The following TPST1 variants were observed in gnomAD, a reference collection of about 807,000 sequenced individuals.
The protein encoded by TPST1 is protein-tyrosine sulfotransferase 1.
In TPST1, 20 loss-of-function variants were observed where a neutral mutation model predicts 34.8. That is an observed-to-expected ratio of 0.57 (90% CI 0.40 to 0.84). The LOEUF (loss-of-function observed/expected upper bound fraction) is 0.84, where lower values mean the gene tolerates loss of function less well. Among genes scored for constraint, TPST1 ranks in the 40% least tolerant of loss-of-function variants. TPST1 has a pLI of 0.00. For missense variants in TPST1, 353 were observed against 455.5 expected (o/e 0.78, Z 2.05); for synonymous variants, 152 against 159.4 (o/e 0.95, Z 0.35).
At chr7:66,254,002 CAAAAAAAA>C (rs60795420) in intron 2 of TPST1, among the ~76,000 whole-genome samples, 2 of 113,578 alleles carry the variant, frequency 1.8e-5, no homozygotes, top group African/African-American at 3.2e-5. Flanking sequence ...GACTCTGTTT[CAAAAAAAA>C]AAAAAAAAAA....
intron 3 of TPST1, among the ~76,000 whole-genome samples, chr7:66,347,061 T>TTTC (rs1792369004): frequency 1.7e-5 from 1 of 59,966 alleles, no homozygotes; most frequent in African/African-American, 6.4e-5. Flanking sequence ...TTGCTTTTCT[T>TTTC]TTTTTTTTTT....
chr7:66,255,145 C>CAA (rs35033344), intron 2 of TPST1, among the ~76,000 whole-genome samples: 9 of 78,444 alleles, frequency 1.1e-4, no homozygotes, highest in African/African-American at 1.8e-4. Flanking sequence ...GACAACGTCT[C>CAA]AAAAAAAAAA....
chr7:66,349,996 CTGTGGTGTCAGGGTAGAACAAA>C lies in TPST1; in HGVS notation c.1045-2506_1045-2485del, dbSNP rs1792440374. 2.6e-5 allele frequency among the ~76,000 whole-genome samples: 4 copies of C among 152,214 alleles called. No individual in the cohort carries two copies. In the South Asian group the frequency reaches 6.2e-4, roughly 24 times the overall value. ...CCTCAGCAAGCTGGACCCATCCAAG[CTGTGGTGTCAGGGTAGAACAAA>C]TGATTCTTTTTTTCGAGATGGAGTT... On this transcript the variant is annotated intron_variant, in intron 3 of 5. Transcript: ENST00000304842.
At chr7:66,243,941 A>ATTTTTTTTTTTT (rs55829208) in intron 2 of TPST1, among the ~76,000 whole-genome samples, 7 of 116,234 alleles carry the variant, frequency 6.0e-5, no homozygotes, top group Non-Finnish European at 7.0e-5. Flanking sequence ...ATTCTGGGAA[A>ATTTTTTTTTTTT]TTTTTTTTTT....
In TPST1 at chr7:66,356,865, A is replaced by G. The variant is rs1046169642; in HGVS notation, c.*23A>G. The G allele has an allele frequency of 1.1e-5, 17 of 1,614,012 alleles. No individual in the cohort carries two copies. The highest frequency in any genetic ancestry group is 1.6e-4 in the Middle Eastern group (1 of 6,084). On this transcript the variant is annotated 3_prime_UTR_variant, in exon 5 of 6. Transcript: ENST00000304842. ...TAGCAGAACCAGGAGCCTCTTCCATACATGAGGTGAGGGTTGGGGGACATT... is the reference window on the plus strand; with the variant it reads ...TAGCAGAACCAGGAGCCTCTTCCATGCATGAGGTGAGGGTTGGGGGACATT...
intron 2 of TPST1, among the ~76,000 whole-genome samples, chr7:66,266,578 A>G (rs908987043): frequency 6.6e-6 from 1 of 152,260 alleles, no homozygotes; most frequent in Non-Finnish European, 1.5e-5. Context: ...TTACAGAAGA[A>G]TATTTATAGC....
intron 3 of TPST1, among the ~76,000 whole-genome samples, chr7:66,339,223 A>G (rs1335807616): frequency 6.6e-6 from 1 of 152,170 alleles, no homozygotes; most frequent in Non-Finnish European, 1.5e-5. Context: ...ACTATGAACA[A>G]CTATACACCA....
rs1554343632 is a variant in TPST1, at chr7:66,239,892, G to GT, written c.-101-426dup. ...TTTTTGTTTTGTTTTGTTTTGTTTT[G>GT]TTTTTTTGAGACAGAGTCTTGCTTT... On this transcript the variant is annotated intron_variant, in intron 1 of 5. Coordinates refer to ENST00000304842, the MANE Select transcript of TPST1 (RefSeq NM_003596.4). Among the ~76,000 whole-genome samples the GT allele has an allele frequency of 9.9e-5, 15 of 151,750 alleles. No individual in the cohort carries two copies. The East Asian group carries it at 2.3e-3, about 23-fold the overall frequency.
intron 2 of TPST1, among the ~76,000 whole-genome samples, chr7:66,278,445 T>TA (rs1367734947): frequency 6.6e-6 from 1 of 152,128 alleles, no homozygotes; most frequent in Non-Finnish European, 1.5e-5. Context: ...TGAGTGAAGA[T>TA]ACTCTTCGTG....
upstream of TPST1, among the ~76,000 whole-genome samples, chr7:66,203,385 G>A (rs938990307): frequency 6.6e-6 from 1 of 151,762 alleles, no homozygotes; most frequent in African/African-American, 2.4e-5. Context: ...GATTACAGGC[G>A]TGAGCCACCA....
chr7:66,201,232 T>C (rs1445947932), upstream of TPST1, among the ~76,000 whole-genome samples: 1 of 152,054 alleles, frequency 6.6e-6, no homozygotes, highest in Admixed American at 6.6e-5. Context: ...AAAAAAGTTA[T>C]GTATTCATTC....
intron 3 of TPST1, among the ~76,000 whole-genome samples, chr7:66,331,739 C>A (rs1791999072): frequency 6.6e-6 from 1 of 152,040 alleles, no homozygotes; most frequent in Non-Finnish European, 1.5e-5. Context: ...CTGTTTCTTT[C>A]TTTGTTTCAT....
chr7:66,215,748 A>G (rs1214281773), intron 1 of TPST1, among the ~76,000 whole-genome samples: 3 of 146,768 alleles, frequency 2.0e-5, no homozygotes, highest in Non-Finnish European at 1.5e-5. Flanking sequence ...TAGTGAAGCC[A>G]TCTTGTCCTG....
At chr7:66,267,156 G>C (rs1430450647) in intron 2 of TPST1, among the ~76,000 whole-genome samples, 5 of 152,154 alleles carry the variant, frequency 3.3e-5, no homozygotes, top group Non-Finnish European at 5.9e-5. Flanking sequence ...TTTTGTAACT[G>C]TTAAAAGCAT....
At chr7:66,243,610 A>ATTTTTTTT (rs10627680) in intron 2 of TPST1, among the ~76,000 whole-genome samples, 3 of 123,376 alleles carry the variant, frequency 2.4e-5, no homozygotes, top group Non-Finnish European at 4.9e-5. Flanking sequence ...TGCCCAGCTA[A>ATTTTTTTT]TTTTTTTTTT....
chr7:66,357,105 C>G (rs747363420), intron 5 of TPST1, among the ~76,000 whole-genome samples: 2 of 152,212 alleles, frequency 1.3e-5, no homozygotes, highest in African/African-American at 4.8e-5. Context: ...AATTAATCAT[C>G]ATCCAAGAGC....
chr7:66,333,933 T>C (rs544691314), intron 3 of TPST1, among the ~76,000 whole-genome samples: 1 of 152,282 alleles, frequency 6.6e-6, no homozygotes, highest in South Asian at 2.1e-4. Flanking sequence ...CAAAACATAA[T>C]ATACGAATAT....
chr7:66,214,608 G>C (rs954381231), intron 1 of TPST1, among the ~76,000 whole-genome samples: 1 of 150,898 alleles, frequency 6.6e-6, no homozygotes, highest in African/African-American at 2.4e-5. Flanking sequence ...TTGAGCCCAG[G>C]GGTTCAAGAC....
chr7:66,255,855 A>C (rs1047326499), intron 2 of TPST1, among the ~76,000 whole-genome samples: 6 of 152,102 alleles, frequency 3.9e-5, no homozygotes, highest in Admixed American at 2.6e-4. Flanking sequence ...TAAAAAAAAA[A>C]CCAACTAGAT....
Sources: allele counts gnomAD v4.1 joint callset (sites outside exome capture counted in the v4.1 genomes callset), GRCh38; gene constraint gnomAD v4.1.1; transcripts MANE v1.5; gene names NCBI Gene and HGNC (gene_info 2026-07-23, HGNC 2026-07-21).